The following SH3BGRL3 variants were observed in gnomAD, a reference collection of about 807,000 sequenced individuals.
SH3BGRL3 encodes the protein SH3 domain binding glutamate rich protein like 3, also known as SH3 domain-binding glutamic acid-rich-like protein 3.
Under a neutral mutation model 11.9 loss-of-function variants are expected in SH3BGRL3, and 8 were observed. That is an observed-to-expected ratio of 0.67 (90% confidence interval 0.40 to 1.22). SH3BGRL3 has a LOEUF of 1.22. Ranked by LOEUF, SH3BGRL3 falls within the 50% of genes most tolerant of loss-of-function variation. The pLI is 0.01. For synonymous variants in SH3BGRL3, 55 were observed against 52.3 expected, an observed-to-expected ratio of 1.05 and a Z score of -0.22; for missense variants, 119 against 120.1, an observed-to-expected ratio of 0.99 and a Z score of 0.04.
chr1:26,281,422 A>C lies in SH3BGRL3; in HGVS notation c.*299A>C. The C allele has an allele frequency of 5.8e-6, 2 of 345,456 alleles. No homozygotes were observed. The highest frequency in any genetic ancestry group is 1.1e-5 in the Non-Finnish European group (2 of 184,184). 21.4% of individuals were successfully genotyped at this position (345,456 alleles called of 1,614,324 possible). A position where few individuals can be genotyped will look rare whatever the true frequency, so the allele number is the denominator to read the frequency against. On this transcript the variant is annotated 3_prime_UTR_variant, in exon 3 of 3. Coordinates refer to ENST00000270792, the MANE Select transcript of SH3BGRL3 (RefSeq NM_031286.4). The stretch of plus-strand genomic sequence containing the variant: ...TCCTGCCTGGCACTGGCTGATGGGC[A>C]CCTCTGTTGGTTCCATCAGCCAGAG...
rs1174516316 is a variant in SH3BGRL3, at chr1:26,281,168, T to A, written c.*45T>A. 3.2e-6 allele frequency: 5 copies of A among 1,583,464 alleles called. No individual in the cohort carries two copies. Among genetic ancestry groups the A allele is most frequent in the Non-Finnish European group, 4.3e-6 (5 of 1,158,702 alleles). ...CCCCTGCTGGACTCCATCACCACAC[T>A]CCCCCCAGCCTTCACCTGGCCATGA... On this transcript the variant is annotated 3_prime_UTR_variant, in exon 3 of 3. Transcript: ENST00000270792.
chr1:26,280,732 A>G, intron 1 of SH3BGRL3, 33 bp from the exon 2 acceptor site: 1 of 1,609,644 alleles, frequency 6.2e-7, no homozygotes, highest in Non-Finnish European at 8.5e-7. Flanking sequence ...CCTCCAGCCT[A>G]TCCACTAACC....
At chr1:26,280,697 C>T (rs2072969212) in intron 1 of SH3BGRL3, 68 bp from the exon 2 acceptor site, 1 of 1,576,480 alleles carries the variant, frequency 6.3e-7, no homozygotes, top group Admixed American at 1.7e-5. Flanking sequence ...CCTCTCTCAC[C>T]CTGCCCAGCA....
chr1:26,281,257 G>T lies in SH3BGRL3; in HGVS notation c.*134G>T. On this transcript the variant is annotated 3_prime_UTR_variant, in exon 3 of 3. Coordinates refer to ENST00000270792, the MANE Select transcript of SH3BGRL3 (RefSeq NM_031286.4). ...CCTTAGAGTCCCTCCCCCAATGCAG[G>T]CCACTTCTCCTCCCTCCTCTCTAAA... The T allele has an allele frequency of 2.7e-6, 2 of 751,690 alleles. No individual in the cohort carries two copies. Among genetic ancestry groups the T allele is most frequent in the East Asian group, 2.7e-5 (1 of 36,668 alleles). 46.6% of individuals were successfully genotyped at this position (751,690 alleles called of 1,614,324 possible).
At position 26,281,392 on chromosome 1, in the gene SH3BGRL3, C is replaced by T. The variant is rs1197193314; in HGVS notation, c.*269C>T. ...GCTGCCCCCAGCCAAGCATTGGGGCCGCCATCCTGCCTGGCACTGGCTGAT... is the reference window on the plus strand; with the variant it reads ...GCTGCCCCCAGCCAAGCATTGGGGCTGCCATCCTGCCTGGCACTGGCTGAT... On this transcript the variant is annotated 3_prime_UTR_variant, in exon 3 of 3. Transcript: ENST00000270792. 1.9e-5 allele frequency: 8 copies of T among 412,070 alleles called. No homozygotes were observed. The highest frequency in any genetic ancestry group is 8.0e-5 in the Admixed American group (2 of 25,074). The allele number at this position is 412,070 out of a possible 1,614,324, so 25.5% of individuals were successfully genotyped here.
rs569423913 is a variant in SH3BGRL3, at chr1:26,280,309, G to A, written c.48+106G>A. ...CCCCCAGGACGGGGGCGGGGTGGGG[G>A]GAGTGCGTCGGCGAGGTGCTGGGCA... is the stretch of plus-strand genomic sequence containing the variant. On this transcript the variant is annotated intron_variant, in intron 1 of 2. Coordinates refer to ENST00000270792, the MANE Select transcript of SH3BGRL3 (RefSeq NM_031286.4). 7.7e-5 allele frequency: 101 copies of A among 1,315,082 alleles called. No homozygotes were observed. In the African/African-American group the frequency reaches 9.5e-4, roughly 12 times the overall value. The allele number at this position is 1,315,082 out of a possible 1,614,324, so 81.5% of individuals were successfully genotyped here.
Position 26,281,371 on chromosome 1 carries a change from C to T in SH3BGRL3, c.*248C>T, listed in dbSNP as rs931988991. ...AAGCAACAGCCCCAAATGCTGGCTG[C>T]CCCCAGCCAAGCATTGGGGCCGCCA... On this transcript the variant is annotated 3_prime_UTR_variant, in exon 3 of 3. Coordinates refer to ENST00000270792, the MANE Select transcript of SH3BGRL3 (RefSeq NM_031286.4). 2.2e-6 allele frequency: 1 copy of T among 445,496 alleles called. No homozygotes were observed. Among genetic ancestry groups the T allele is most frequent in the Non-Finnish European group, 4.1e-6 (1 of 245,026 alleles). 27.6% of individuals were successfully genotyped at this position (445,496 alleles called of 1,614,324 possible).
At chr1:26,280,529 G>A (rs2072963495) in intron 1 of SH3BGRL3, among the ~76,000 whole-genome samples, 1 of 136,300 alleles carries the variant, frequency 7.3e-6, no homozygotes, top group Admixed American at 7.5e-5. Flanking sequence ...CCCTGAGCCT[G>A]ATCCCACTTC....
intron 2 of SH3BGRL3, 29 bp downstream of exon 2, chr1:26,280,961 G>A (rs746014664): frequency 6.2e-7 from 1 of 1,604,178 alleles, no homozygotes; most frequent in Non-Finnish European, 8.5e-7. Context: ...GGGGGTGGGG[G>A]GAGTGTTGGA....
In SH3BGRL3 at chr1:26,280,855, A is replaced by G. The variant is rs2072972494; in HGVS notation, c.139A>G (p.Arg47Gly). The change falls in exon 2 of 3, where the codon AGG becomes GGG. Residue 47 changes from arginine (R) to glycine (G), a missense_variant. Physicochemically the swap from Arg to Gly is moderately radical, Grantham distance 125. Coordinates refer to ENST00000270792, the MANE Select transcript of SH3BGRL3 (RefSeq NM_031286.4). Reference sequence around the variant, plus strand: ...GGACATCTCCCAGGACAACGCCCTGAGGGATGAGATGCGAGCCTTGGCAGG... The same window carrying G: ...GGACATCTCCCAGGACAACGCCCTGGGGGATGAGATGCGAGCCTTGGCAGG... ...LVDISQDNALRDEMRALAGNP... is the reference protein window; with the variant it reads ...LVDISQDNALGDEMRALAGNP... The G allele has an allele frequency of 6.2e-7, 1 of 1,604,114 alleles. No individual in the cohort carries two copies.
chr1:26,281,019 C>G (rs2072975678), intron 2 of SH3BGRL3, 39 bp from the exon 3 acceptor site: 7 of 1,611,956 alleles, frequency 4.3e-6, no homozygotes, highest in Non-Finnish European at 5.9e-6. Context: ...CTTGGGCCCC[C>G]TGCATTCAGG....
intron 1 of SH3BGRL3, 107 bp downstream of exon 1, chr1:26,280,310 G>C (rs528844835): frequency 5.5e-5 from 73 of 1,315,490 alleles, no homozygotes; most frequent in Admixed American, 2.3e-4. Context: ...GGGGTGGGGG[G>C]AGTGCGTCGG....
At position 26,280,827 on chromosome 1, in the gene SH3BGRL3, A is replaced by G; in HGVS notation, c.111A>G (p.Leu37=). Residue 37 remains leucine (L), a synonymous_variant, in exon 2 of 3, where the codon CTA becomes CTG. Coordinates refer to ENST00000270792, the MANE Select transcript of SH3BGRL3 (RefSeq NM_031286.4). ...ATGGGAAGCGCATCCAATACCAGCT[A>G]GTGGACATCTCCCAGGACAACGCCC... ...ILDGKRIQYQ[L]VDISQDNALR... The G allele has an allele frequency of 6.2e-7, 1 of 1,613,900 alleles. No individual in the cohort carries two copies. The highest frequency in any genetic ancestry group is 8.5e-7 in the Non-Finnish European group (1 of 1,179,960).
At position 26,281,325 on chromosome 1, in the gene SH3BGRL3, A is replaced by T; in HGVS notation, c.*202A>T. 1 of 529,070 alleles carries T rather than the reference A, an allele frequency of 1.9e-6. No homozygotes were observed. The highest frequency in any genetic ancestry group is 3.4e-6 in the Non-Finnish European group (1 of 296,150). 32.8% of individuals were successfully genotyped at this position (529,070 alleles called of 1,614,324 possible). On this transcript the variant is annotated 3_prime_UTR_variant, in exon 3 of 3. Coordinates refer to ENST00000270792, the MANE Select transcript of SH3BGRL3 (RefSeq NM_031286.4). ...CATCTAAAGGCAACATTCCTTACCC[A>T]TTAGTCTCAGAAATTGTCTTAAGCA...
At chr1:26,280,499 G>GCCCCCCCC (rs1553162370) in intron 1 of SH3BGRL3, among the ~76,000 whole-genome samples, 1 of 150,664 alleles carries the variant, frequency 6.6e-6, no homozygotes, top group African/African-American at 2.5e-5. Flanking sequence ...ACCGCAGCCT[G>GCCCCCCCC]CCCTCCCCTC....
chr1:26,280,263 G>A, intron 1 of SH3BGRL3, 60 bp downstream of exon 1: 1 of 1,433,140 alleles, frequency 7.0e-7, no homozygotes. Flanking sequence ...CGGTGCTTTG[G>A]ACCCTAGCGC....
chr1:26,281,361 A>C lies in SH3BGRL3; in HGVS notation c.*238A>C. 186 of 417,480 alleles carry C rather than the reference A, an allele frequency of 4.5e-4. No homozygotes were observed. The highest frequency in any genetic ancestry group is 8.0e-4 in the East Asian group (20 of 25,004). 25.9% of individuals were successfully genotyped at this position (417,480 alleles called of 1,614,324 possible). On this transcript the variant is annotated 3_prime_UTR_variant, in exon 3 of 3. Coordinates refer to ENST00000270792, the MANE Select transcript of SH3BGRL3 (RefSeq NM_031286.4). ...AAATTGTCTTAAGCAACAGCCCCAA[A>C]TGCTGGCTGCCCCCAGCCAAGCATT...
In SH3BGRL3 at chr1:26,281,041, C is replaced by G; in HGVS notation, c.217-17C>G. 6.2e-7 allele frequency: 1 copy of G among 1,613,400 alleles called. No individual in the cohort carries two copies. Among genetic ancestry groups the G allele is most frequent in the Non-Finnish European group, 8.5e-7 (1 of 1,179,570 alleles). On this transcript the variant is annotated splice_polypyrimidine_tract_variant and intron_variant, in intron 2 of 2. Coordinates refer to ENST00000270792, the MANE Select transcript of SH3BGRL3 (RefSeq NM_031286.4). Reference sequence around the variant, plus strand: ...CCCCTGCATTCAGGTGACCACCCCTCGCCTCCCCTTCTCCAGGACTATGAG... The same window carrying G: ...CCCCTGCATTCAGGTGACCACCCCTGGCCTCCCCTTCTCCAGGACTATGAG...
rs1321553833 is a variant in SH3BGRL3 at position 26,280,180 on chromosome 1, A to C, written c.25A>C (p.Thr9Pro). Residue 9 changes from threonine (T) to proline (P), a missense_variant, in exon 1 of 3, where the codon ACG (threonine) becomes CCG (proline). Transcript: ENST00000270792. Reference sequence around the variant, plus strand: ...CATGAGCGGCCTGCGCGTCTACAGCACGTCGGTCACCGGCTCCCGCGAAGT... The same window carrying C: ...CATGAGCGGCCTGCGCGTCTACAGCCCGTCGGTCACCGGCTCCCGCGAAGT... The part of the protein sequence containing the change: MSGLRVYS[T>P]SVTGSREIKS... 6.4e-7 allele frequency: 1 copy of C among 1,558,182 alleles called. No homozygotes were observed. The highest frequency in any genetic ancestry group is 8.7e-7 in the Non-Finnish European group (1 of 1,155,322).
Sources: gnomAD v4.1 joint callset for allele counts (sites outside exome capture counted in the v4.1 genomes callset) on GRCh38, gnomAD v4.1.1 for gene constraint, MANE v1.5 for transcripts, NCBI Gene and HGNC (gene_info 2026-07-23, HGNC 2026-07-21) for gene names.